Variants in PPHLN1 observed in about 807,000 individuals in gnomAD.
PPHLN1 encodes the protein periphilin-1.
PPHLN1 carries 29 observed loss-of-function variants against 51.3 expected under a neutral mutation model. The observed-to-expected ratio is 0.57, with a 90% CI of 0.42 to 0.77. The LOEUF is 0.77. Among genes scored for constraint, PPHLN1 ranks in the 30% least tolerant of loss-of-function variants. The pLI, the probability that PPHLN1 is intolerant of heterozygous loss-of-function variation, is 0.00. For synonymous variants in PPHLN1, 147 were observed against 147.8 expected, an observed-to-expected ratio of 0.99 and a Z score of 0.04; for missense variants, 436 against 438.4, an observed-to-expected ratio of 0.99 and a Z score of 0.05.
At chr12:42,357,113 A>G (rs1406217531) in intron 4 of PPHLN1, among the ~76,000 whole-genome samples, 1 of 152,238 alleles carries the variant, frequency 6.6e-6, no homozygotes, top group African/African-American at 2.4e-5. Context: ...AATCATTTCT[A>G]AAGGAAATAA....
intron 9 of PPHLN1, among the ~76,000 whole-genome samples, chr12:42,401,451 C>T (rs1419724762): frequency 4.8e-5 from 7 of 145,818 alleles, no homozygotes; most frequent in East Asian, 4.3e-4. Context: ...GCTTGTGGAC[C>T]GCTACTGGTC....
intron 2 of PPHLN1, among the ~76,000 whole-genome samples, chr12:42,342,676 C>T (rs574710057): frequency 6.6e-6 from 1 of 152,304 alleles, no homozygotes; most frequent in South Asian, 2.1e-4. Context: ...CTGAAGCAGT[C>T]CTATCTGCTT....
chr12:42,439,207 C>G (rs191092287), intron 9 of PPHLN1, among the ~76,000 whole-genome samples: 62 of 152,158 alleles, frequency 4.1e-4, no homozygotes, highest in Non-Finnish European at 7.3e-4. Context: ...TTTGAGTTAA[C>G]ATATTTTTGA....
At chr12:42,389,331 C>G (rs1425830964) in intron 7 of PPHLN1, among the ~76,000 whole-genome samples, 1 of 152,106 alleles carries the variant, frequency 6.6e-6, no homozygotes, top group African/African-American at 2.4e-5. Flanking sequence ...CGAGATCACG[C>G]CACTGCACTC....
At chr12:42,341,499 T>G (rs2071493460) in intron 2 of PPHLN1, among the ~76,000 whole-genome samples, 1 of 152,200 alleles carries the variant, frequency 6.6e-6, no homozygotes, top group Non-Finnish European at 1.5e-5. Flanking sequence ...TGAACACTAA[T>G]ATACTTTGGT....
Position 42,433,021 on chromosome 12 carries a change from C to A in PPHLN1, c.910-8294C>A. On this transcript the variant is annotated intron_variant, in intron 9 of 9. Coordinates refer to ENST00000358314, the MANE Select transcript of PPHLN1 (RefSeq NM_201439.2). ...CATTTTCATTAGCACACGCCTCTCT[C>A]ATATCCTCAGGAAAATCCACTGTGC... 6 of 1,106,268 alleles carry A rather than the reference C, an allele frequency of 5.4e-6. No individual in the cohort carries two copies. In the South Asian group the frequency reaches 7.4e-5, roughly 14 times the overall value. The allele number at this position is 1,106,268 out of a possible 1,614,324, so 68.5% of individuals were successfully genotyped here. A position where few individuals can be genotyped will look rare whatever the true frequency, so the allele number is the denominator to read the frequency against.
downstream of PPHLN1, chr12:42,443,349 C>T (rs1351426657): frequency 6.6e-6 from 1 of 152,264 alleles, no homozygotes; most frequent in East Asian, 1.9e-4. Context: ...GAACCCATTA[C>T]TTTTTATGCT....
intron 9 of PPHLN1, among the ~76,000 whole-genome samples, chr12:42,425,836 A>C (rs920711229): frequency 6.6e-6 from 1 of 152,246 alleles, no homozygotes; most frequent in African/African-American, 2.4e-5. Flanking sequence ...GTGTGTATAC[A>C]CGATACAGGA....
rs115012196 is a variant in PPHLN1 at position 42,418,883 on chromosome 12, A to G, written c.909+19889A>G. Among the ~76,000 whole-genome samples, 700 of 152,100 alleles carry G rather than the reference A, an allele frequency of 4.6e-3. 2 individuals are homozygous for G. Among genetic ancestry groups the G allele is most frequent in the African/African-American group, 0.016 (669 of 41,472 alleles). ...ACTTGTACTGAGCCTTCACTTAGTAACTCCTCAGATGTTTGTTGAATGAAT... is the reference window on the plus strand; with the variant it reads ...ACTTGTACTGAGCCTTCACTTAGTAGCTCCTCAGATGTTTGTTGAATGAAT... On this transcript the variant is annotated intron_variant, in intron 9 of 9. Transcript: ENST00000358314.
chr12:42,434,333 C>T (rs902543772), intron 9 of PPHLN1, among the ~76,000 whole-genome samples: 1 of 152,052 alleles, frequency 6.6e-6, no homozygotes, highest in Non-Finnish European at 1.5e-5. Flanking sequence ...CTAATGGATG[C>T]TGGGCTTAAT....
chr12:42,445,849 T>G, downstream of PPHLN1: 2 of 1,232,652 alleles, frequency 1.6e-6, no homozygotes, highest in Non-Finnish European at 2.2e-6. Context: ...AAAAGCACTT[T>G]GCTAAAACCT....
At chr12:42,413,083 A>AT (rs2080023709) in intron 9 of PPHLN1, among the ~76,000 whole-genome samples, 1 of 151,908 alleles carries the variant, frequency 6.6e-6, no homozygotes, top group Non-Finnish European at 1.5e-5. Context: ...TCCTCTGCTG[A>AT]TTATTTCTTT....
At chr12:42,436,211 C>A (rs1442055440) in intron 9 of PPHLN1, among the ~76,000 whole-genome samples, 2 of 152,194 alleles carry the variant, frequency 1.3e-5, no homozygotes, top group Non-Finnish European at 2.9e-5. Flanking sequence ...TCTCTTGATT[C>A]TTAATTTTTC....
rs1555183898 is a variant in PPHLN1, at chr12:42,348,301, T to TA, written c.73-3583dup. ...ATTTTTTTTTTTTTTTTTTTTTTTTTAGTAGAAACGGGGTTTCACCGTGTT... is the reference window on the plus strand; with the variant it reads ...ATTTTTTTTTTTTTTTTTTTTTTTTTAAGTAGAAACGGGGTTTCACCGTGTT... On this transcript the variant is annotated intron_variant, in intron 2 of 9. Coordinates refer to ENST00000358314, the MANE Select transcript of PPHLN1 (RefSeq NM_201439.2). Among the ~76,000 whole-genome samples the TA allele has an allele frequency of 4.2e-3, 548 of 131,190 alleles. 4 individuals are homozygous for TA. Among genetic ancestry groups the TA allele is most frequent in the South Asian group, 6.3e-3 (24 of 3,810 alleles). The allele number at this position is 131,190 out of a possible 152,430, so 86.1% of individuals were successfully genotyped here.
chr12:42,389,737 T>C (rs2077520648), intron 7 of PPHLN1, among the ~76,000 whole-genome samples: 1 of 152,204 alleles, frequency 6.6e-6, no homozygotes, highest in African/African-American at 2.4e-5. Flanking sequence ...GCAGGTTGGA[T>C]GGGTTATATC....
intron 1 of PPHLN1, among the ~76,000 whole-genome samples, chr12:42,334,032 C>T (rs1443509554): frequency 6.6e-6 from 1 of 152,054 alleles, no homozygotes; most frequent in Non-Finnish European, 1.5e-5. Context: ...TTTGATTTGA[C>T]TTTACTTCAT....
At chr12:42,431,822 A>G in intron 9 of PPHLN1, 3 of 1,334,716 alleles carry the variant, frequency 2.2e-6, no homozygotes, top group Non-Finnish European at 2.2e-6. Flanking sequence ...CATGCTCTTC[A>G]ATCACATATT....
At chr12:42,369,644 G>A (rs2075611298) in intron 4 of PPHLN1, among the ~76,000 whole-genome samples, 1 of 152,148 alleles carries the variant, frequency 6.6e-6, no homozygotes. Flanking sequence ...GGGAACTAAA[G>A]CGTAGGGAGA....
chr12:42,350,899 G>A (rs1244109031), intron 2 of PPHLN1, among the ~76,000 whole-genome samples: 1 of 152,028 alleles, frequency 6.6e-6, no homozygotes, highest in African/African-American at 2.4e-5. Flanking sequence ...AGGTTGCAGT[G>A]AGCCGAGATC....
Sources: allele counts gnomAD v4.1 joint callset (sites outside exome capture counted in the v4.1 genomes callset), GRCh38; gene constraint gnomAD v4.1.1; transcripts MANE v1.5; gene names NCBI Gene and HGNC (gene_info 2026-07-23, HGNC 2026-07-21).